Variants in TOX4 observed in about 807,000 individuals in gnomAD.
The protein encoded by TOX4 is epidermal Langerhans cell protein LCP1.
Under a neutral mutation model 61.0 loss-of-function variants are expected in TOX4, and 12 were observed. The observed-to-expected ratio is 0.20, with a 90% CI of 0.13 to 0.32. The LOEUF is 0.32. Ranked by LOEUF, TOX4 falls within the 10% of genes least tolerant of loss-of-function variation. TOX4 has a pLI of 1.00. For synonymous variants in TOX4, 268 were observed against 274.8 expected (o/e 0.98, Z 0.24); for missense variants, 499 against 753.3 (o/e 0.66, Z 3.95).
In TOX4 at chr14:21,487,662, G is replaced by T; in HGVS notation, c.287G>T (p.Gly96Val). The T allele has an allele frequency of 6.2e-7, 1 of 1,613,560 alleles. No individual in the cohort carries two copies. Among genetic ancestry groups the T allele is most frequent in the Non-Finnish European group, 8.5e-7 (1 of 1,179,520 alleles). Residue 96 changes from glycine to valine, a missense_variant, in exon 3 of 9, where the codon GGC (glycine) becomes GTC (valine). By Grantham distance (109) the Gly-to-Val change is moderately radical. Coordinates refer to ENST00000448790, the MANE Select transcript of TOX4 (RefSeq NM_014828.4). ...VGMTHGLMEQ[G>V]GGLLSGGLTM... ...ATGACCCATGGCTTGATGGAGCAGG[G>T]CGGGGGGCTCCTGAGTGGGGGCTTG...
rs748118537 is a variant in TOX4, at chr14:21,493,197, T to A, written c.1581T>A (p.His527Gln). ...ERPMNNSPEA[H>Q]TVEAPSPETI... ...CTATGAACAACAGCCCTGAGGCCCA[T>A]ACAGTGGAGGCACCTTCTCCTGAGA... The change falls in exon 7 of 9, where the codon CAT becomes CAA. Residue 527 changes from histidine to glutamine, a missense_variant. Physicochemically the swap from His to Gln is conservative, Grantham distance 24. Around this residue, in one of 7 missense-constraint regions of TOX4, gnomAD observed 296 missense variants for 404.7 expected, o/e 0.73. Coordinates refer to ENST00000448790, the MANE Select transcript of TOX4 (RefSeq NM_014828.4). The A allele has an allele frequency of 4.3e-6, 7 of 1,614,022 alleles. No individual in the cohort carries two copies. The Admixed American group carries it at 8.3e-5, about 19-fold the overall frequency.
chr14:21,490,871 G>A (rs1197229201), intron 5 of TOX4, among the ~76,000 whole-genome samples: 2 of 152,366 alleles, frequency 1.3e-5, no homozygotes, highest in East Asian at 3.9e-4. Flanking sequence ...TGTTACCCAG[G>A]CTGCAGTGCA....
At chr14:21,487,984 A>C (rs1273558573) in intron 3 of TOX4, 1 of 238,016 alleles carries the variant, frequency 4.2e-6, no homozygotes, top group Non-Finnish European at 7.9e-6. Context: ...CCTAGGATTC[A>C]AATTTGAATG....
chr14:21,481,843 T>C (rs142859544), intron 2 of TOX4, among the ~76,000 whole-genome samples: 163 of 152,340 alleles, frequency 1.1e-3, no homozygotes, highest in African/African-American at 3.8e-3. Flanking sequence ...TATTCGTTCA[T>C]ATTTTTTAAT....
chr14:21,488,841 T>C lies in TOX4; in HGVS notation c.570T>C (p.Asp190=), dbSNP rs1479116891. 1 of 1,613,748 alleles carries C rather than the reference T, an allele frequency of 6.2e-7. No individual in the cohort carries two copies. ...TSSLHEDGVE[D]FRRQLPSQKT... ...CACTTCACGAGGATGGTGTTGAGGA[T>C]TTCCGGAGGGTGAGGCATTCCCTGT... Residue 190 remains aspartate (D), a synonymous_variant, in exon 4 of 9, where the codon GAT becomes GAC. Coordinates refer to ENST00000448790, the MANE Select transcript of TOX4 (RefSeq NM_014828.4).
chr14:21,495,171 C>G (rs1439028200), intron 7 of TOX4, 58 bp from the exon 8 acceptor site: 1 of 1,573,734 alleles, frequency 6.4e-7, no homozygotes, highest in Non-Finnish European at 8.7e-7. Flanking sequence ...ATTTAGCTAA[C>G]TAGCTAGCTA....
Position 21,485,726 on chromosome 14 carries a change from C to T in TOX4, c.76-1725C>T, listed in dbSNP as rs1460642390. ...TTAAAAAACACAAAAATTAGCTGGG[C>T]GTGGTGGCACACACCTGTAGTCCTA... On this transcript the variant is annotated intron_variant, in intron 2 of 8. Coordinates refer to ENST00000448790, the MANE Select transcript of TOX4 (RefSeq NM_014828.4). 1.3e-4 allele frequency among the ~76,000 whole-genome samples: 13 copies of T among 102,600 alleles called. 2 individuals are homozygous for T. Among genetic ancestry groups the T allele is most frequent in the Non-Finnish European group, 1.9e-4 (9 of 47,260 alleles). 67.3% of individuals were successfully genotyped at this position (102,600 alleles called of 152,430 possible).
Position 21,477,639 on chromosome 14 carries a change from C to A in TOX4, c.75+75C>A, listed in dbSNP as rs758887880. The A allele has an allele frequency of 1.8e-5, 28 of 1,525,506 alleles. 1 individual carries two copies. The East Asian group carries it at 6.3e-4, about 34-fold the overall frequency. 94.5% of individuals were successfully genotyped at this position (1,525,506 alleles called of 1,614,324 possible). A position where few individuals can be genotyped will look rare whatever the true frequency, so the allele number is the denominator to read the frequency against. On this transcript the variant is annotated intron_variant, in intron 2 of 8. Transcript: ENST00000448790. ...GGGTAGGGTAGTGGGGAGGAGAGCA[C>A]GGACTCCGGGGACGGGGGCTGGGAA...
intron 2 of TOX4, among the ~76,000 whole-genome samples, chr14:21,485,153 C>T (rs1157280950): frequency 1.9e-5 from 2 of 106,086 alleles, no homozygotes; most frequent in African/African-American, 3.5e-5. Context: ...TGGTGGCTCA[C>T]GCCTGTGATC....
chr14:21,486,987 C>T lies in TOX4; in HGVS notation c.76-464C>T, dbSNP rs1234701576. 3.3e-5 allele frequency among the ~76,000 whole-genome samples: 5 copies of T among 152,262 alleles called. No homozygotes were observed. In the South Asian group the frequency reaches 1.0e-3, roughly 32 times the overall value. On this transcript the variant is annotated intron_variant, in intron 2 of 8. Coordinates refer to ENST00000448790, the MANE Select transcript of TOX4 (RefSeq NM_014828.4). ...ATTTTAGCATCTGTTTGAAAGGAAC[C>T]TAAAACAACAAAGTATAATTGGCTG...
chr14:21,479,660 A>G (rs1322026611), intron 2 of TOX4, among the ~76,000 whole-genome samples: 1 of 152,174 alleles, frequency 6.6e-6, no homozygotes, highest in African/African-American at 2.4e-5. Flanking sequence ...ACAAACAAAC[A>G]AAAACAGCTA....
intron 8 of TOX4, 43 bp from the exon 9 acceptor site, chr14:21,496,503 G>A (rs1327418652): frequency 1.9e-6 from 3 of 1,557,116 alleles, no homozygotes; most frequent in Non-Finnish European, 2.6e-6. Context: ...TTCTATTTCA[G>A]TTTGTGTATA....
intron 3 of TOX4, 176 bp from the exon 4 acceptor site, chr14:21,488,414 C>T (rs1353818409): frequency 3.0e-6 from 2 of 671,210 alleles, no homozygotes; most frequent in African/African-American, 1.8e-5. Flanking sequence ...TCATTAATTT[C>T]TGTACTTTTT....
chr14:21,482,854 A>AT (rs1252066313), intron 2 of TOX4, among the ~76,000 whole-genome samples: 2 of 113,488 alleles, frequency 1.8e-5, no homozygotes, highest in African/African-American at 6.5e-5. Context: ...GGTTTACCCT[A>AT]TCCTTTTTTT....
intron 2 of TOX4, among the ~76,000 whole-genome samples, chr14:21,479,114 G>GT (rs1476065713): frequency 7.0e-6 from 1 of 142,270 alleles, no homozygotes; most frequent in Non-Finnish European, 1.5e-5. Flanking sequence ...CCCAGTGCCA[G>GT]TTTAACTTTT....
chr14:21,495,253 G>C lies in TOX4; in HGVS notation c.1666G>C (p.Val556Leu). 1 of 1,614,140 alleles carries C rather than the reference G, an allele frequency of 6.2e-7. No homozygotes were observed. The highest frequency in any genetic ancestry group is 8.5e-7 in the Non-Finnish European group (1 of 1,180,022). Residue 556 changes from valine (V) to leucine (L), a missense_variant, in exon 8 of 9, where the codon GTT (valine) becomes CTT (leucine). Physicochemically the swap from Val to Leu is conservative, Grantham distance 32. Around this residue, in one of 7 missense-constraint regions of TOX4, gnomAD observed 296 missense variants for 404.7 expected, o/e 0.73. Transcript: ENST00000448790. ...GGTTGAGTCTCCTTCTCAGATGGAT[G>C]TTGAATTGGTGAGTGGGTCTCCTGT... ...PEVESPSQMDVELVSGSPVAL... is the reference protein window; with the variant it reads ...PEVESPSQMDLELVSGSPVAL...
At chr14:21,496,465 C>CAA in intron 8 of TOX4, 81 bp from the exon 9 acceptor site, 107 of 1,085,200 alleles carry the variant, frequency 9.9e-5, no homozygotes, top group Middle Eastern at 2.2e-4. Flanking sequence ...AGGTCCGTCT[C>CAA]AAAAAAAAAA....
At chr14:21,479,321 T>A (rs997938533) in intron 2 of TOX4, among the ~76,000 whole-genome samples, 4 of 150,378 alleles carry the variant, frequency 2.7e-5, no homozygotes, top group African/African-American at 9.8e-5. Flanking sequence ...GTGATCAAAC[T>A]CTGTCTCTAT....
In TOX4 at chr14:21,497,039, C is replaced by A. The variant is rs370397007; in HGVS notation, c.*433C>A. 182 of 171,524 alleles carry A rather than the reference C, an allele frequency of 1.1e-3. 2 individuals carry two copies. The South Asian group carries it at 0.024, about 23-fold the overall frequency. 10.6% of individuals were successfully genotyped at this position (171,524 alleles called of 1,614,324 possible). A position where few individuals can be genotyped will look rare whatever the true frequency, so the allele number is the denominator to read the frequency against. On this transcript the variant is annotated 3_prime_UTR_variant, in exon 9 of 9. Coordinates refer to ENST00000448790, the MANE Select transcript of TOX4 (RefSeq NM_014828.4). ...GGTTCCCTCATAAAAAAATGTTATT[C>A]CCCATTATCACATCAGTACACTGCT... is the stretch of plus-strand genomic sequence containing the variant.
Sources: gnomAD v4.1 joint callset for allele counts (sites outside exome capture counted in the v4.1 genomes callset) on GRCh38, gnomAD v4.1.1 for gene constraint, gnomAD v4.1.1 regional missense constraint, MANE v1.5 for transcripts, NCBI Gene and HGNC (gene_info 2026-07-23, HGNC 2026-07-21) for gene names.